IGSF9: variants seen among roughly 807,000 people sequenced by gnomAD.
IGSF9 encodes the protein protein turtle homolog A.
A neutral mutation model predicts 121.7 loss-of-function variants in IGSF9; 87 were observed. The observed-to-expected ratio is 0.71, with a 90% CI of 0.60 to 0.85. The LOEUF is 0.85. IGSF9 is among the 40% of genes least tolerant of loss of function. IGSF9 has a pLI of 0.00. For synonymous variants in IGSF9, 640 were observed against 648.4 expected, an observed-to-expected ratio of 0.99 and a Z score of 0.20; for missense variants, 1,462 against 1,565.3, an observed-to-expected ratio of 0.93 and a Z score of 1.11.
intron 6 of IGSF9, 129 bp from the exon 7 acceptor site, chr1:159,934,951 G>A: frequency 9.4e-7 from 1 of 1,060,604 alleles, no homozygotes; most frequent in East Asian, 2.5e-5. Flanking sequence ...GGGCTTTGGG[G>A]AGTGGAAGCA....
Position 159,937,572 on chromosome 1 carries a change from A to T in IGSF9, c.400+114T>A, listed in dbSNP as rs7524321. ...GGGCTCTCAGGAAGGGTGGGGCATC[A>T]GAGCTGTTTGTGGGATGGAAATAGA... On this transcript the variant is annotated intron_variant, in intron 4 of 20. Coordinates refer to ENST00000368094, the MANE Select transcript of IGSF9 (RefSeq NM_001135050.2). The T allele has an allele frequency of 2.5e-6, 3 of 1,201,508 alleles. No homozygotes were observed. The East Asian group carries it at 7.2e-5, about 29-fold the overall frequency. The allele number at this position is 1,201,508 out of a possible 1,614,324, so 74.4% of individuals were successfully genotyped here. A position where few individuals can be genotyped will look rare whatever the true frequency, so the allele number is the denominator to read the frequency against.
chr1:159,930,654 T>C (rs1165533320), intron 14 of IGSF9, 38 bp downstream of exon 14: 1 of 1,612,240 alleles, frequency 6.2e-7, no homozygotes, highest in African/African-American at 1.3e-5. Flanking sequence ...CCCTTCCCCA[T>C]CCTTGTCTCT....
chr1:159,930,536 C>A (rs559553870), intron 14 of IGSF9, 97 bp from the exon 15 acceptor site: 5 of 1,522,198 alleles, frequency 3.3e-6, no homozygotes, highest in Non-Finnish European at 4.4e-6. Context: ...CCCAGAACCC[C>A]TGAAGACAAG....
chr1:159,927,127 GAGA>G lies in IGSF9; in HGVS notation c.*215_*217del. 1.7e-6 allele frequency: 1 copy of G among 594,048 alleles called. No homozygotes were observed. 36.8% of individuals were successfully genotyped at this position (594,048 alleles called of 1,614,324 possible). On this transcript the variant is annotated 3_prime_UTR_variant, in exon 21 of 21. Coordinates refer to ENST00000368094, the MANE Select transcript of IGSF9 (RefSeq NM_001135050.2). The stretch of plus-strand genomic sequence containing the variant: ...AGAGAGAGAGAGAGAGAGAGAGAGA[GAGA>G]GGCAGACCTAAGATCCCTGTTCCAA...
intron 4 of IGSF9, 77 bp from the exon 5 acceptor site, chr1:159,936,985 A>G (rs1651214164): frequency 6.9e-7 from 1 of 1,452,526 alleles, no homozygotes; most frequent in Admixed American, 1.8e-5. Context: ...CAGGGAGACC[A>G]CTCAGGGCTC....
At chr1:159,930,160 CCT>C in intron 15 of IGSF9, 27 bp downstream of exon 15, 4 of 1,575,314 alleles carry the variant, frequency 2.5e-6, no homozygotes, top group Middle Eastern at 3.4e-4. Context: ...CCCTAGGAGG[CCT>C]CTCTCTGTAT....
chr1:159,936,314 T>C (rs1286960180), intron 6 of IGSF9, 85 bp downstream of exon 6: 4 of 1,206,750 alleles, frequency 3.3e-6, no homozygotes, highest in South Asian at 1.2e-5. Flanking sequence ...ATCTCCCTCC[T>C]ATCTTGCTGT....
intron 3 of IGSF9, among the ~76,000 whole-genome samples, chr1:159,941,058 T>C (rs1312266294): frequency 1.3e-5 from 2 of 152,186 alleles, no homozygotes; most frequent in Non-Finnish European, 2.9e-5. Context: ...GCTTGTTTTA[T>C]ATTGCTTTCA....
chr1:159,931,910 C>T lies in IGSF9; in HGVS notation c.1264G>A (p.Glu422Lys). The T allele has an allele frequency of 6.3e-7, 1 of 1,593,588 alleles. No homozygotes were observed. The highest frequency in any genetic ancestry group is 8.5e-7 in the Non-Finnish European group (1 of 1,174,012). ...VLLKAPPAFI[E>K]RPKEEYFQEV... ...TGGAAATATTCTTCCTTGGGCCGCT[C>T]TATAAAAGCTGGGGGAGCCTGCAAG... Residue 422 changes from glutamate (E) to lysine (K), a missense_variant, in exon 11 of 21, where the codon GAG becomes AAG. Glu to Lys is a moderately conservative substitution (Grantham distance 56). Transcript: ENST00000368094. This position sits in a 1 kb window ranked among gnomAD's most constrained non-coding sequence, Gnocchi z 4.8.
chr1:159,929,481 C>G (rs1384590271), intron 17 of IGSF9, 88 bp from the exon 18 acceptor site: 1 of 1,539,174 alleles, frequency 6.5e-7, no homozygotes, highest in East Asian at 2.3e-5. Flanking sequence ...AGGCGCCCAA[C>G]CCCATCCGGC....
rs1650953071 is a variant in IGSF9 at position 159,930,444 on chromosome 1, G to A, written c.1814-5C>T. ...CAGCTGGCGTGGTAGGAAGCCCTGC[G>A]TGGGACAGAAAGGCAGGTCAGAGCA... On this transcript the variant is annotated splice_polypyrimidine_tract_variant and splice_region_variant and intron_variant, in intron 14 of 20. Coordinates refer to ENST00000368094, the MANE Select transcript of IGSF9 (RefSeq NM_001135050.2). 5 of 1,529,746 alleles carry A rather than the reference G, an allele frequency of 3.3e-6. No homozygotes were observed. In the East Asian group the frequency reaches 6.8e-5, roughly 21 times the overall value. 94.8% of individuals were successfully genotyped at this position (1,529,746 alleles called of 1,614,324 possible).
At position 159,931,829 on chromosome 1, in the gene IGSF9, C is replaced by T. The variant is rs147852722; in HGVS notation, c.1345G>A (p.Val449Ile). 10 of 1,582,420 alleles carry T rather than the reference C, an allele frequency of 6.3e-6. No individual in the cohort carries two copies. Among genetic ancestry groups the T allele is most frequent in the Non-Finnish European group, 2.6e-6 (3 of 1,166,824 alleles). The change falls in exon 11 of 21, where the codon GTT becomes ATT. Residue 449 changes from valine (V) to isoleucine (I), a missense_variant. By Grantham distance (29) the Val-to-Ile change is conservative. Transcript: ENST00000368094. This position sits in a 1 kb window ranked among gnomAD's most constrained non-coding sequence, Gnocchi z 4.8. ...AGCCTTACCTTGGTCCAAGAGACAA[C>T]AGGAGGAGGGTCCCCTTGGGCGGAG... ...PCSAQGDPPP[V>I]VSWTKVGRGL... is the part of the protein sequence containing the mutation.
rs2101876181 is a variant in IGSF9, at chr1:159,931,108, A to G, written c.1637+30T>C. ...GGAGAGGAAAGGAGGCAAGATTGGC[A>G]CAGAGAAATGGCAGGAGCAGGTCAC... On this transcript the variant is annotated intron_variant, in intron 13 of 20. Transcript: ENST00000368094. This position sits in a 1 kb window ranked among gnomAD's most constrained non-coding sequence, Gnocchi z 4.8. The G allele has an allele frequency of 6.2e-7, 1 of 1,613,986 alleles. No individual in the cohort carries two copies. The highest frequency in any genetic ancestry group is 1.1e-5 in the South Asian group (1 of 91,040).
At position 159,929,625 on chromosome 1, in the gene IGSF9, T is replaced by A. The variant is rs1650897474; in HGVS notation, c.2326+13A>T. The A allele has an allele frequency of 1.3e-6, 2 of 1,589,356 alleles. No individual in the cohort carries two copies. The highest frequency in any genetic ancestry group is 2.7e-5 in the African/African-American group (2 of 74,704). ...AAGTGCGCAGTAGCAGGGCTGAGGG[T>A]GGAGGGACTTACCTTGGCGGAGGCG... is the stretch of plus-strand genomic sequence containing the variant. On this transcript the variant is annotated intron_variant, in intron 17 of 20. Coordinates refer to ENST00000368094, the MANE Select transcript of IGSF9 (RefSeq NM_001135050.2).
chr1:159,931,987 C>T lies in IGSF9; in HGVS notation c.1246-59G>A. The T allele has an allele frequency of 9.4e-7, 1 of 1,064,414 alleles. No individual in the cohort carries two copies. Among genetic ancestry groups the T allele is most frequent in the Non-Finnish European group, 1.4e-6 (1 of 715,290 alleles). The allele number at this position is 1,064,414 out of a possible 1,614,324, so 65.9% of individuals were successfully genotyped here. A position where few individuals can be genotyped will look rare whatever the true frequency, so the allele number is the denominator to read the frequency against. ...CTCTTACATCTAAGGCTGGCTACTCCCTCTCTCTGTGCTCCCTGTCATGCC... is the reference window on the plus strand; with the variant it reads ...CTCTTACATCTAAGGCTGGCTACTCTCTCTCTCTGTGCTCCCTGTCATGCC... On this transcript the variant is annotated intron_variant, in intron 10 of 20. Transcript: ENST00000368094. The surrounding 1 kb of genome is among the most constrained non-coding windows in gnomAD (Gnocchi z 4.8).
rs750667666 is a variant in IGSF9, at chr1:159,929,957, G to A, written c.2083C>T (p.Arg695Cys). The change falls in exon 16 of 21, where the codon CGC (arginine) becomes TGC (cysteine). Residue 695 changes from arginine to cysteine, a missense_variant. Around this residue, in one of 3 missense-constraint regions of IGSF9, gnomAD observed 808 missense variants for 815.2 expected, o/e 0.99. Transcript: ENST00000368094. The stretch of plus-strand genomic sequence containing the variant: ...AAGCTGCCCGCGAAGGCCACGAGGC[G>A]GAACTCGTAGAGAACATCCTGCGAT... ...GLIKDVLYEFRLVAFAGSFVS... is the reference protein window; with the variant it reads ...GLIKDVLYEFCLVAFAGSFVS... 6.3e-7 allele frequency: 1 copy of A among 1,586,204 alleles called. No homozygotes were observed. Among genetic ancestry groups the A allele is most frequent in the South Asian group, 1.1e-5 (1 of 88,390 alleles).
chr1:159,927,677 C>A, intron 20 of IGSF9, 83 bp downstream of exon 20: 1 of 1,561,770 alleles, frequency 6.4e-7, no homozygotes. Flanking sequence ...CAGGGCCTGA[C>A]TGGGAATAGA....
At chr1:159,940,499 G>A (rs879120354) in intron 3 of IGSF9, among the ~76,000 whole-genome samples, 3 of 152,202 alleles carry the variant, frequency 2.0e-5, no homozygotes, top group East Asian at 1.9e-4. Context: ...CATATGCAGC[G>A]GCGTGTGAAG....
rs781687802 is a variant in IGSF9, at chr1:159,931,884, T to G, written c.1290A>C (p.Gln430His). Residue 430 changes from glutamine (Q) to histidine (H), a missense_variant, in exon 11 of 21, where the codon CAA becomes CAC. Physicochemically the swap from Gln to His is conservative, Grantham distance 24. Transcript: ENST00000368094. This position sits in a 1 kb window ranked among gnomAD's most constrained non-coding sequence, Gnocchi z 4.8. ...FIERPKEEYF[Q>H]EVGRELLIPC... Reference sequence around the variant, plus strand: ...GGATGAGCAGCTCCCGCCCTACTTCTTGGAAATATTCTTCCTTGGGCCGCT... The same window carrying G: ...GGATGAGCAGCTCCCGCCCTACTTCGTGGAAATATTCTTCCTTGGGCCGCT... 1.1e-5 allele frequency: 18 copies of G among 1,597,816 alleles called. No individual in the cohort carries two copies. Among genetic ancestry groups the G allele is most frequent in the Non-Finnish European group, 1.5e-5 (18 of 1,175,192 alleles).
Sources: allele counts gnomAD v4.1 joint callset (sites outside exome capture counted in the v4.1 genomes callset), GRCh38; gene constraint gnomAD v4.1.1; regional missense constraint gnomAD v4.1.1; non-coding constraint Gnocchi (gnomAD v3.1); transcripts MANE v1.5; gene names NCBI Gene and HGNC (gene_info 2026-07-23, HGNC 2026-07-21).